Variants in PPP5C observed in about 807,000 individuals in gnomAD.
PPP5C encodes the protein serine/threonine-protein phosphatase 5.
A neutral mutation model predicts 66.7 loss-of-function variants in PPP5C; 21 were observed. The ratio of observed to expected loss-of-function variants is 0.31; its 90% CI spans 0.22 to 0.45. PPP5C has a LOEUF of 0.45. Among genes scored for constraint, PPP5C ranks in the 20% least tolerant of loss-of-function variants. PPP5C has a pLI of 1.00. For missense variants in PPP5C, 464 were observed against 675.9 expected (o/e 0.69, Z 3.48); for synonymous variants, 246 against 257.4 (o/e 0.96, Z 0.43).
chr19:46,369,298 G>A (rs544661596), intron 2 of PPP5C, among the ~76,000 whole-genome samples: 1 of 152,334 alleles, frequency 6.6e-6, no homozygotes, highest in Admixed American at 6.5e-5. Flanking sequence ...AGTGAATGCT[G>A]TGGCAACTGT....
chr19:46,369,800 C>T (rs914151845), intron 2 of PPP5C, among the ~76,000 whole-genome samples: 2 of 151,784 alleles, frequency 1.3e-5, no homozygotes. Flanking sequence ...GTGGCATGCT[C>T]CTGTAATCCC....
At chr19:46,372,188 GT>G (rs921446185) in intron 2 of PPP5C, among the ~76,000 whole-genome samples, 2 of 151,890 alleles carry the variant, frequency 1.3e-5, no homozygotes, top group Admixed American at 6.6e-5. Context: ...AATCATGTGG[GT>G]TTTTTTGTAT....
chr19:46,379,579 C>A (rs776191691), intron 4 of PPP5C, among the ~76,000 whole-genome samples: 4 of 152,232 alleles, frequency 2.6e-5, no homozygotes, highest in Non-Finnish European at 5.9e-5. Context: ...CTAGATGTCT[C>A]TTTTCTATAT....
chr19:46,361,464 C>T (rs2147371195), intron 2 of PPP5C, among the ~76,000 whole-genome samples: 1 of 148,242 alleles, frequency 6.7e-6, no homozygotes, highest in South Asian at 2.2e-4. Context: ...AATACTACAC[C>T]AGCCGGGCAT....
chr19:46,389,405 A>AT (rs1568579889), intron 11 of PPP5C, among the ~76,000 whole-genome samples: 3 of 28,802 alleles, frequency 1.0e-4, no homozygotes, highest in African/African-American at 3.0e-4. Flanking sequence ...ACACACACAC[A>AT]CACACACACA....
chr19:46,366,401 A>G (rs1311839921), intron 2 of PPP5C, among the ~76,000 whole-genome samples: 2 of 151,990 alleles, frequency 1.3e-5, no homozygotes, highest in Non-Finnish European at 2.9e-5. Flanking sequence ...GCTAGAGTGC[A>G]GTGGCACCAT....
chr19:46,353,360 C>T (rs542436877), intron 1 of PPP5C, among the ~76,000 whole-genome samples: 18 of 152,280 alleles, frequency 1.2e-4, no homozygotes, highest in African/African-American at 4.1e-4. Flanking sequence ...CACCAGCCTC[C>T]CTGCCTCATC....
intron 6 of PPP5C, chr19:46,384,561 A>G: frequency 4.4e-6 from 2 of 452,004 alleles, no homozygotes; most frequent in Non-Finnish European, 8.2e-6. Context: ...GACAGGAGGC[A>G]GGGTCCTCAG....
rs1360852743 is a variant in PPP5C, at chr19:46,388,108, A to G, written c.1136-300A>G. The G allele has an allele frequency of 5.1e-6, 2 of 392,404 alleles. No individual in the cohort carries two copies. The highest frequency in any genetic ancestry group is 3.9e-5 in the Admixed American group (1 of 25,454). 24.3% of individuals were successfully genotyped at this position (392,404 alleles called of 1,614,324 possible). Reference sequence around the variant, plus strand: ...TTTGTTCCTAGGGCAGTGCGGAGCCACCAAAGGCTTTGAGTGGGAGAGGGG... The same window carrying G: ...TTTGTTCCTAGGGCAGTGCGGAGCCGCCAAAGGCTTTGAGTGGGAGAGGGG... On this transcript the variant is annotated intron_variant, in intron 9 of 12. Coordinates refer to ENST00000012443, the MANE Select transcript of PPP5C (RefSeq NM_006247.4). The surrounding 1 kb of genome is among the most constrained non-coding windows in gnomAD (Gnocchi z 4.9).
intron 2 of PPP5C, among the ~76,000 whole-genome samples, chr19:46,368,332 A>G (rs985909317): frequency 7.2e-5 from 11 of 152,204 alleles, no homozygotes; most frequent in Non-Finnish European, 1.6e-4. Context: ...AGGTGAACGC[A>G]TCTCCTGGAC....
rs750185478 is a variant in PPP5C, at chr19:46,390,169, C to T, written c.1437+37C>T. ...CTCAGGGCCCCTGCCCCTTCCATCC[C>T]GGCCTGGGGACAAGGAGGCTGAGAC... On this transcript the variant is annotated intron_variant, in intron 12 of 12. Coordinates refer to ENST00000012443, the MANE Select transcript of PPP5C (RefSeq NM_006247.4). 143 of 1,610,714 alleles carry T rather than the reference C, an allele frequency of 8.9e-5. 1 individual carries two copies. The highest frequency in any genetic ancestry group is 8.8e-5 in the South Asian group (8 of 91,016).
In PPP5C at chr19:46,387,193, C is replaced by T. The variant is rs371076132; in HGVS notation, c.1005C>T (p.Phe335=). The change falls in exon 8 of 13, where the codon TTC becomes TTT. Residue 335 remains phenylalanine (F), a synonymous_variant. Coordinates refer to ENST00000012443, the MANE Select transcript of PPP5C (RefSeq NM_006247.4). ...TGTACGAGCTCTTTAGCGAGGTGTT[C>T]GAGTGGCTCCCGTTGGCCCAGTGCA... The part of the protein sequence containing the change: ...AQMYELFSEV[F]EWLPLAQCIN... 35 of 1,614,104 alleles carry T rather than the reference C, an allele frequency of 2.2e-5. No individual in the cohort carries two copies. The highest frequency in any genetic ancestry group is 2.0e-4 in the Admixed American group (12 of 60,006).
intron 4 of PPP5C, among the ~76,000 whole-genome samples, chr19:46,381,172 A>AT (rs1293789689): frequency 6.6e-6 from 1 of 151,656 alleles, no homozygotes; most frequent in Non-Finnish European, 1.5e-5. Context: ...CTTACATTGT[A>AT]TTTTTTATTG....
rs1422457663 is a variant in PPP5C at position 46,383,488 on chromosome 19, G to T, written c.699+12G>T. 1.9e-6 allele frequency: 3 copies of T among 1,595,742 alleles called. No individual in the cohort carries two copies. Among genetic ancestry groups the T allele is most frequent in the Admixed American group, 1.7e-5 (1 of 58,794 alleles). On this transcript the variant is annotated intron_variant, in intron 5 of 12. Coordinates refer to ENST00000012443, the MANE Select transcript of PPP5C (RefSeq NM_006247.4). This position sits in a 1 kb window ranked among gnomAD's most constrained non-coding sequence, Gnocchi z 5.0. Reference sequence around the variant, plus strand: ...CCACACTCAAAGAGGTGCGCGTTGTGGGGCAGTGCGGGGAGGGCCAGCGGG... The same window carrying T: ...CCACACTCAAAGAGGTGCGCGTTGTTGGGCAGTGCGGGGAGGGCCAGCGGG...
intron 1 of PPP5C, among the ~76,000 whole-genome samples, chr19:46,352,559 G>A (rs1054857668): frequency 1.8e-4 from 27 of 152,000 alleles, no homozygotes; most frequent in Non-Finnish European, 3.8e-4. Flanking sequence ...TGTGGCTCAC[G>A]CCTGTAATCC....
At position 46,386,093 on chromosome 19, in the gene PPP5C, G is replaced by A. The variant is rs548382264; in HGVS notation, c.905-1000G>A. The stretch of plus-strand genomic sequence containing the variant: ...CTGGAGGGCTATGGCTGCCAGTGAC[G>A]AAGACGGGAACATGTAGAGCAGGGT... On this transcript the variant is annotated intron_variant, in intron 7 of 12. Transcript: ENST00000012443. Among the ~76,000 whole-genome samples the A allele has an allele frequency of 3.6e-4, 55 of 152,320 alleles. No individual in the cohort carries two copies. In the South Asian group the frequency reaches 0.011, roughly 29 times the overall value.
At chr19:46,379,794 T>TA (rs1202296808) in intron 4 of PPP5C, among the ~76,000 whole-genome samples, 1 of 152,206 alleles carries the variant, frequency 6.6e-6, no homozygotes, top group African/African-American at 2.4e-5. Flanking sequence ...CTAACTCCCT[T>TA]AGGCATCCAT....
chr19:46,372,367 GC>G (rs1568571446), intron 2 of PPP5C, among the ~76,000 whole-genome samples: 9 of 151,038 alleles, frequency 6.0e-5, no homozygotes, highest in East Asian at 2.0e-4. Context: ...TACCTGGCTA[GC>G]TTTTTGTTGT....
chr19:46,368,142 C>T (rs571506857), intron 2 of PPP5C, among the ~76,000 whole-genome samples: 1 of 152,336 alleles, frequency 6.6e-6, no homozygotes, highest in East Asian at 1.9e-4. Flanking sequence ...AGATTAGTGC[C>T]ACCATCAGAG....
Sources: allele counts gnomAD v4.1 joint callset (sites outside exome capture counted in the v4.1 genomes callset), GRCh38; gene constraint gnomAD v4.1.1; non-coding constraint Gnocchi (gnomAD v3.1); transcripts MANE v1.5; gene names NCBI Gene and HGNC (gene_info 2026-07-23, HGNC 2026-07-21).